C2orf92: variants seen among roughly 807,000 people sequenced by gnomAD.
C2orf92 encodes the protein uncharacterized protein C2orf92.
chr2:97,694,804 G>A (rs1676259065), intron 5 of C2orf92, among the ~76,000 whole-genome samples: 1 of 152,080 alleles, frequency 6.6e-6, no homozygotes, highest in Admixed American at 6.6e-5. Flanking sequence ...CTGAGGAAAC[G>A]CCATGCTGTT....
Position 97,677,355 on chromosome 2 carries a change from C to T in C2orf92, c.232+1427C>T, listed in dbSNP as rs1481630868. On this transcript the variant is annotated intron_variant, in intron 3 of 7. Transcript: ENST00000627399. ...AAACTCTATGGGCTGAAGAGGCTTCCAAGCAGCCCTGTTGAGGGGATTTAA... is the reference window on the plus strand; with the variant it reads ...AAACTCTATGGGCTGAAGAGGCTTCTAAGCAGCCCTGTTGAGGGGATTTAA... 2.6e-5 allele frequency: 4 copies of T among 152,206 alleles called. No individual in the cohort carries two copies. The South Asian group carries it at 6.2e-4, about 24-fold the overall frequency. 9.4% of individuals were successfully genotyped at this position (152,206 alleles called of 1,614,324 possible).
intron 3 of C2orf92, chr2:97,677,505 C>T (rs756288598): frequency 7.2e-5 from 11 of 152,266 alleles, no homozygotes; most frequent in Non-Finnish European, 1.2e-4. Context: ...ACAAGAAGTA[C>T]GCACTTTGCA....
intron 1 of C2orf92, among the ~76,000 whole-genome samples, chr2:97,673,151 T>C (rs576622045): frequency 1.3e-4 from 20 of 152,192 alleles, no homozygotes; most frequent in Admixed American, 4.6e-4. Flanking sequence ...GGGTACAATT[T>C]TCATATAGAA....
At chr2:97,689,135 C>G in intron 4 of C2orf92, 142 bp downstream of exon 4, 1 of 395,464 alleles carries the variant, frequency 2.5e-6, no homozygotes. Flanking sequence ...AAGGAAACAA[C>G]TGTCTGAAAT....
intron 3 of C2orf92, among the ~76,000 whole-genome samples, chr2:97,685,934 A>G (rs572391959): frequency 1.3e-5 from 2 of 152,284 alleles, no homozygotes; most frequent in South Asian, 2.1e-4. Context: ...ACCCTCATAC[A>G]TTGCTGGTGG....
chr2:97,676,481 G>A (rs1262367425), intron 3 of C2orf92, among the ~76,000 whole-genome samples: 4 of 149,952 alleles, frequency 2.7e-5, no homozygotes, highest in Non-Finnish European at 4.4e-5. Context: ...CCCCTTGGCC[G>A]GGTGCGGTGC....
chr2:97,689,470 A>C (rs75349093), intron 4 of C2orf92, among the ~76,000 whole-genome samples: 3,017 of 152,354 alleles, frequency 0.02, 59 homozygotes, highest in East Asian at 0.1. Flanking sequence ...CATAGAAATG[A>C]CACATGTGAA....
chr2:97,684,623 T>C (rs1012573620), intron 3 of C2orf92, among the ~76,000 whole-genome samples: 3 of 152,170 alleles, frequency 2.0e-5, no homozygotes, highest in African/African-American at 7.2e-5. Flanking sequence ...AATAGCTACA[T>C]TGGACATCAT....
At chr2:97,664,768 T>G (rs1041902157), upstream of C2orf92, 6 of 150,500 alleles carry the variant, frequency 4.0e-5, no homozygotes, top group African/African-American at 1.2e-4. Context: ...AGAGAAGGGA[T>G]CTCGCTATGT....
rs1469110087 is a variant in C2orf92, at chr2:97,702,978, T to C, written c.*177T>C. On this transcript the variant is annotated 3_prime_UTR_variant, in exon 8 of 8. Transcript: ENST00000627399. The stretch of plus-strand genomic sequence containing the variant: ...AAACTGCTTTACCATAGGACACTTG[T>C]GGCAATATGGCACCGATGGCTGGCG... The C allele has an allele frequency of 1.8e-5, 7 of 393,030 alleles. No homozygotes were observed. The highest frequency in any genetic ancestry group is 8.2e-5 in the African/African-American group (4 of 48,542). The allele number at this position is 393,030 out of a possible 1,614,324, so 24.3% of individuals were successfully genotyped here. A position where few individuals can be genotyped will look rare whatever the true frequency, so the allele number is the denominator to read the frequency against.
intron 3 of C2orf92, among the ~76,000 whole-genome samples, chr2:97,680,927 A>G (rs1675751006): frequency 6.6e-6 from 1 of 151,464 alleles, no homozygotes; most frequent in African/African-American, 2.4e-5. Context: ...CTCCGTCTCA[A>G]AAAAAAACAA....
rs1415457423 is a variant in C2orf92 at position 97,702,860 on chromosome 2, T to A, written c.*59T>A. The stretch of plus-strand genomic sequence containing the variant: ...AACCACAATGCGAGGACATTCTCCA[T>A]CTGCGCACCACAGGGAGGCAATTCC... On this transcript the variant is annotated 3_prime_UTR_variant, in exon 8 of 8. Transcript: ENST00000627399. The A allele has an allele frequency of 2.5e-5, 10 of 398,614 alleles. No homozygotes were observed. In the East Asian group the frequency reaches 3.6e-4, roughly 14 times the overall value. 24.7% of individuals were successfully genotyped at this position (398,614 alleles called of 1,614,324 possible).
At chr2:97,664,389 C>T (rs1167452923) in exon 1 of C2orf92, 1 of 152,176 alleles carries the variant, frequency 6.6e-6, no homozygotes, top group East Asian at 1.9e-4. Flanking sequence ...CACCTCGGGC[C>T]ACGCTCCTTC....
At chr2:97,701,900 C>T (rs1443546234) in intron 7 of C2orf92, among the ~76,000 whole-genome samples, 3 of 152,014 alleles carry the variant, frequency 2.0e-5, no homozygotes, top group Admixed American at 6.5e-5. Flanking sequence ...TCTACACCCC[C>T]GTCTACACCA....
At chr2:97,679,814 G>A (rs1432400471) in intron 3 of C2orf92, among the ~76,000 whole-genome samples, 1 of 133,764 alleles carries the variant, frequency 7.5e-6, no homozygotes, top group Non-Finnish European at 1.6e-5. Context: ...TCCAGCCTGG[G>A]CAACAAGAGT....
upstream of C2orf92, chr2:97,668,980 A>AC (rs986486895): frequency 2.0e-5 from 3 of 151,422 alleles, no homozygotes; most frequent in African/African-American, 7.3e-5. Context: ...GCAAGTTTTT[A>AC]CCCCTAAAAG....
At chr2:97,700,933 G>T (rs1171193876) in intron 6 of C2orf92, among the ~76,000 whole-genome samples, 1 of 151,724 alleles carries the variant, frequency 6.6e-6, no homozygotes, top group South Asian at 2.1e-4. Context: ...GGGTTTCACC[G>T]TCTTAGCCAG....
upstream of C2orf92, chr2:97,668,210 G>C (rs1327809125): frequency 6.6e-6 from 1 of 151,936 alleles, no homozygotes; most frequent in African/African-American, 2.4e-5. Flanking sequence ...TTTTTGTTTT[G>C]GAAGGTATTT....
intron 3 of C2orf92, among the ~76,000 whole-genome samples, chr2:97,687,618 G>A (rs1359451955): frequency 5.3e-5 from 8 of 151,308 alleles, no homozygotes; most frequent in Non-Finnish European, 7.4e-5. Flanking sequence ...AGGAGCAACT[G>A]GGAGAGTGGC....
Sources: allele counts gnomAD v4.1 joint callset (sites outside exome capture counted in the v4.1 genomes callset), GRCh38; gene constraint gnomAD v4.1.1; transcripts MANE v1.5; gene names NCBI Gene and HGNC (gene_info 2026-07-23, HGNC 2026-07-21).